ATXN1: variants seen among roughly 807,000 people sequenced by gnomAD.
ATXN1 encodes the protein ataxin-1.
A neutral mutation model predicts 56.4 loss-of-function variants in ATXN1; 8 were observed. The observed-to-expected ratio is 0.14, with a 90% confidence interval of 0.08 to 0.26. The LOEUF (loss-of-function observed/expected upper bound fraction) is 0.26, where lower values mean the gene tolerates loss of function less well. Ranked by LOEUF, ATXN1 falls within the 10% of genes least tolerant of loss-of-function variation. ATXN1 has a pLI of 1.00. For missense variants in ATXN1, 987 were observed against 1,106.5 expected (o/e 0.89, Z 1.53); for synonymous variants, 514 against 494.6 (o/e 1.04, Z -0.52).
intron 2 of ATXN1, among the ~76,000 whole-genome samples, chr6:16,700,482 G>C (rs1178778820): frequency 6.6e-6 from 1 of 152,138 alleles, no homozygotes; most frequent in Non-Finnish European, 1.5e-5. Flanking sequence ...GGAGAGCCAA[G>C]TTTAATAACC....
chr6:16,458,496 G>T (rs139424374), intron 6 of ATXN1, among the ~76,000 whole-genome samples: 1 of 152,118 alleles, frequency 6.6e-6, no homozygotes, highest in Non-Finnish European at 1.5e-5. Context: ...CTCCAAAAGC[G>T]AGCCCTTGGC....
chr6:16,587,542 G>A (rs1228918793), intron 3 of ATXN1, among the ~76,000 whole-genome samples: 1 of 152,130 alleles, frequency 6.6e-6, no homozygotes, highest in Non-Finnish European at 1.5e-5. Context: ...ATATGTGTAG[G>A]CATTTATTTG....
intron 3 of ATXN1, among the ~76,000 whole-genome samples, chr6:16,600,218 A>T (rs1208097382): frequency 6.6e-6 from 1 of 152,200 alleles, no homozygotes; most frequent in African/African-American, 2.4e-5. Context: ...ATGTGCACAC[A>T]TGTGGCACAA....
Position 16,606,674 on chromosome 6 carries a change from G to A in ATXN1, c.-488-20767C>T, listed in dbSNP as rs908370975. Among the ~76,000 whole-genome samples, 8 of 143,574 alleles carry A rather than the reference G, an allele frequency of 5.6e-5. No homozygotes were observed. In the East Asian group the frequency reaches 8.5e-4, roughly 15 times the overall value. 94.2% of individuals were successfully genotyped at this position (143,574 alleles called of 152,430 possible). ...CTCCCAAGTAGCTGGGACTACAGGC[G>A]CCTGCCACCAAACCTGGCTAATTTT... On this transcript the variant is annotated intron_variant, in intron 3 of 7. Transcript: ENST00000436367.
intron 4 of ATXN1, among the ~76,000 whole-genome samples, chr6:16,547,428 C>T (rs538047486): frequency 1.1e-4 from 17 of 152,268 alleles, no homozygotes; most frequent in African/African-American, 3.8e-4. Flanking sequence ...TGGAGTCTCA[C>T]CACAAGACCC....
intron 5 of ATXN1, among the ~76,000 whole-genome samples, chr6:16,489,997 A>G (rs1051347245): frequency 6.6e-6 from 1 of 152,020 alleles, no homozygotes; most frequent in Non-Finnish European, 1.5e-5. Flanking sequence ...TTTGAGAACC[A>G]CTTCTCTAAG....
At position 16,456,527 on chromosome 6, in the gene ATXN1, G is replaced by A. The variant is rs140509096; in HGVS notation, c.-161+29445C>T. Among the ~76,000 whole-genome samples the A allele has an allele frequency of 1.1e-4, 16 of 152,268 alleles. No homozygotes were observed. The East Asian group carries it at 2.1e-3, about 20-fold the overall frequency. ...GCACTTCCGGGCTAAGCCTAGGGTCGACAGAGAGGAAAGCCATTCAGCTCC... is the reference window on the plus strand; with the variant it reads ...GCACTTCCGGGCTAAGCCTAGGGTCAACAGAGAGGAAAGCCATTCAGCTCC... On this transcript the variant is annotated intron_variant, in intron 6 of 7. Coordinates refer to ENST00000436367, the MANE Select transcript of ATXN1 (RefSeq NM_001128164.2).
intron 3 of ATXN1, among the ~76,000 whole-genome samples, chr6:16,620,756 G>A (rs918383983): frequency 6.6e-6 from 1 of 152,226 alleles, no homozygotes. Flanking sequence ...TGCCAAGGAG[G>A]ATGCCACTGG....
chr6:16,477,412 A>G (rs1246576026), intron 6 of ATXN1, among the ~76,000 whole-genome samples: 2 of 152,232 alleles, frequency 1.3e-5, no homozygotes, highest in Non-Finnish European at 2.9e-5. Flanking sequence ...TTTAGTGCCA[A>G]TTCAATGTGG....
chr6:16,759,684 G>A (rs1249958106), intron 1 of ATXN1, among the ~76,000 whole-genome samples: 1 of 151,820 alleles, frequency 6.6e-6, no homozygotes, highest in African/African-American at 2.4e-5. Flanking sequence ...AATCCCCGCC[G>A]TCCTTAGAAA....
chr6:16,336,541 G>C (rs1396240801), intron 6 of ATXN1, among the ~76,000 whole-genome samples: 3 of 152,170 alleles, frequency 2.0e-5, no homozygotes, highest in Non-Finnish European at 2.9e-5. Flanking sequence ...TTGTGATCCA[G>C]GCCATAGGAG....
At chr6:16,416,749 T>C (rs979626900) in intron 6 of ATXN1, among the ~76,000 whole-genome samples, 3 of 152,238 alleles carry the variant, frequency 2.0e-5, no homozygotes, top group African/African-American at 4.8e-5. Flanking sequence ...GCTTAGTTCA[T>C]GGTTCCTATC....
chr6:16,480,560 T>C (rs184511952), intron 6 of ATXN1, among the ~76,000 whole-genome samples: 4 of 152,178 alleles, frequency 2.6e-5, no homozygotes, highest in Admixed American at 2.6e-4. Context: ...TAAGTACAGA[T>C]TACTCAGCCC....
chr6:16,471,143 T>C (rs1760208434), intron 6 of ATXN1, among the ~76,000 whole-genome samples: 2 of 151,970 alleles, frequency 1.3e-5, no homozygotes, highest in Admixed American at 1.3e-4. Context: ...AGCTTTGCTT[T>C]CTCATTCCAA....
At chr6:16,616,700 G>C (rs1763220088) in intron 3 of ATXN1, among the ~76,000 whole-genome samples, 1 of 144,140 alleles carries the variant, frequency 6.9e-6, no homozygotes, top group South Asian at 2.1e-4. Context: ...ATAATGGTCA[G>C]TTACTAGAAG....
rs146711794 is a variant in ATXN1, at chr6:16,563,679, G to A, written c.-361+22101C>T. 3.6e-3 allele frequency among the ~76,000 whole-genome samples: 553 copies of A among 152,184 alleles called. 6 individuals carry two copies. Among genetic ancestry groups the A allele is most frequent in the African/African-American group, 0.012 (509 of 41,520 alleles). On this transcript the variant is annotated intron_variant, in intron 4 of 7. Coordinates refer to ENST00000436367, the MANE Select transcript of ATXN1 (RefSeq NM_001128164.2). ...AGGGTTCAAGTTGATACACAGGTCC[G>A]GGGTGTGGCAGTATCTCTGGGAAGC...
At chr6:16,527,030 A>C (rs1761409558) in intron 4 of ATXN1, among the ~76,000 whole-genome samples, 1 of 152,078 alleles carries the variant, frequency 6.6e-6, no homozygotes, top group Non-Finnish European at 1.5e-5. Context: ...TAAAAAAAAA[A>C]AAAAAAAATC....
chr6:16,401,252 T>A (rs1450638051), intron 6 of ATXN1, among the ~76,000 whole-genome samples: 5 of 152,110 alleles, frequency 3.3e-5, no homozygotes, highest in African/African-American at 1.2e-4. Flanking sequence ...GCCCGTCTCT[T>A]TACACAACAT....
At chr6:16,629,336 G>A (rs772915431) in intron 3 of ATXN1, among the ~76,000 whole-genome samples, 19 of 151,876 alleles carry the variant, frequency 1.3e-4, no homozygotes, top group Non-Finnish European at 2.1e-4. Context: ...CCTTCTCCCC[G>A]CCTCCCCCTG....
Sources: gnomAD v4.1 joint callset for allele counts (sites outside exome capture counted in the v4.1 genomes callset) on GRCh38, gnomAD v4.1.1 for gene constraint, MANE v1.5 for transcripts, NCBI Gene and HGNC (gene_info 2026-07-23, HGNC 2026-07-21) for gene names.